Variants in IKBKE observed in about 807,000 individuals in gnomAD.
IKBKE encodes inhibitor of nuclear factor kappa-B kinase subunit epsilon.
A neutral mutation model predicts 92.1 loss-of-function variants in IKBKE; 45 were observed. The observed-to-expected ratio is 0.49, with a 90% CI of 0.38 to 0.63. The LOEUF is 0.63. Among genes scored for constraint, IKBKE ranks in the 20% least tolerant of loss-of-function variants. The probability of loss-of-function intolerance (pLI) is 0.00; values close to 1 mark genes in which losing one functional copy is unlikely to be tolerated. For missense variants in IKBKE, 700 were observed against 932.8 expected, an observed-to-expected ratio of 0.75 and a Z score of 3.25; for synonymous variants, 374 against 380.3, an observed-to-expected ratio of 0.98 and a Z score of 0.19.
At chr1:206,484,017 T>A (rs1665525735) in intron 13 of IKBKE, among the ~76,000 whole-genome samples, 1 of 152,158 alleles carries the variant, frequency 6.6e-6, no homozygotes, top group African/African-American at 2.4e-5. Context: ...CTTGAACTCC[T>A]GACCTCAAGC....
At position 206,481,680 on chromosome 1, in the gene IKBKE, G is replaced by A. The variant is rs1357139578; in HGVS notation, c.1427+1147G>A. Among the ~76,000 whole-genome samples, 6 of 151,340 alleles carry A rather than the reference G, an allele frequency of 4.0e-5. No individual in the cohort carries two copies. The East Asian group carries it at 9.8e-4, about 25-fold the overall frequency. ...CCTCCGGAGCAGCTAGCCCTTCCTGGACATGTGAGGGCTGATGGGATTGTT... is the reference window on the plus strand; with the variant it reads ...CCTCCGGAGCAGCTAGCCCTTCCTGAACATGTGAGGGCTGATGGGATTGTT... On this transcript the variant is annotated intron_variant, in intron 13 of 21. Transcript: ENST00000581977.
chr1:206,488,007 C>A lies in IKBKE; in HGVS notation c.1693+17C>A, dbSNP rs1553389237. 2 of 1,577,208 alleles carry A rather than the reference C, an allele frequency of 1.3e-6. No homozygotes were observed. The highest frequency in any genetic ancestry group is 1.3e-5 in the African/African-American group (1 of 74,376). On this transcript the variant is annotated intron_variant, in intron 16 of 21. Transcript: ENST00000581977. The stretch of plus-strand genomic sequence containing the variant: ...TGAGGCCAGGTGAGCCCGGGGAGGG[C>A]AGATGCCCCTTCTCTCTCCTCTGTC...
At position 206,485,954 on chromosome 1, in the gene IKBKE, G is replaced by A. The variant is rs538652137; in HGVS notation, c.1616+648G>A. Among the ~76,000 whole-genome samples the A allele has an allele frequency of 1.3e-5, 2 of 152,324 alleles. No homozygotes were observed. The highest frequency in any genetic ancestry group is 2.1e-4 in the South Asian group (1 of 4,824). On this transcript the variant is annotated intron_variant, in intron 15 of 21. Coordinates refer to ENST00000581977, the MANE Select transcript of IKBKE (RefSeq NM_014002.4). This position sits in a 1 kb window ranked among gnomAD's most constrained non-coding sequence, Gnocchi z 5.0. ...GACCAGGGGATGGGTGGTACCCAGC[G>A]CGGACCTCCTCCCCATTCTCTGCTG...
At chr1:206,473,158 G>A in intron 2 of IKBKE, 38 bp from the exon 3 acceptor site, 1 of 1,296,926 alleles carries the variant, frequency 7.7e-7, no homozygotes, top group South Asian at 1.3e-5. Context: ...CCTGTGCCAG[G>A]AATGGAATCC....
At chr1:206,489,982 C>T (rs1367189823) in intron 16 of IKBKE, among the ~76,000 whole-genome samples, 1 of 152,176 alleles carries the variant, frequency 6.6e-6, no homozygotes, top group Non-Finnish European at 1.5e-5. Context: ...CTCGCATGAG[C>T]CTCACGGGAC....
At position 206,493,958 on chromosome 1, in the gene IKBKE, C is replaced by T; in HGVS notation, c.2084C>T (p.Ser695Phe). The change falls in exon 21 of 22, where the codon TCT (serine) becomes TTT (phenylalanine). Residue 695 changes from serine to phenylalanine, a missense_variant. Transcript: ENST00000581977. ...TGCGAGGGGATGAAGCTGCTGGCAT[C>T]TGACCTCCTGGACAACAACCGCATC... ...ELCEGMKLLA[S>F]DLLDNNRIIE... 1 of 1,614,130 alleles carries T rather than the reference C, an allele frequency of 6.2e-7. No individual in the cohort carries two copies. Among genetic ancestry groups the T allele is most frequent in the Non-Finnish European group, 8.5e-7 (1 of 1,179,972 alleles).
chr1:206,496,233 C>G lies in IKBKE; in HGVS notation c.*88C>G, dbSNP rs1217381050. On this transcript the variant is annotated 3_prime_UTR_variant, in exon 22 of 22. Coordinates refer to ENST00000581977, the MANE Select transcript of IKBKE (RefSeq NM_014002.4). ...CCATGAGACCAACCCAGGGCAAGAT[C>G]CCATCCCATCACATCAGCCTACCTC... 6 of 1,089,572 alleles carry G rather than the reference C, an allele frequency of 5.5e-6. No individual in the cohort carries two copies. In the East Asian group the frequency reaches 1.4e-4, roughly 26 times the overall value. The allele number at this position is 1,089,572 out of a possible 1,614,324, so 67.5% of individuals were successfully genotyped here. A position where few individuals can be genotyped will look rare whatever the true frequency, so the allele number is the denominator to read the frequency against.
chr1:206,475,610 G>A (rs1025190102), intron 5 of IKBKE, among the ~76,000 whole-genome samples: 6 of 152,040 alleles, frequency 3.9e-5, no homozygotes, highest in African/African-American at 1.2e-4. Context: ...GGTGGTGCAT[G>A]CCTGTAGTTC....
In IKBKE at chr1:206,476,261, G is replaced by A. The variant is rs937888346; in HGVS notation, c.439G>A (p.Glu147Lys). Residue 147 changes from glutamate to lysine, a missense_variant, in exon 6 of 22, where the codon GAG (glutamate) becomes AAG (lysine). Transcript: ENST00000581977. This position sits in a 1 kb window ranked among gnomAD's most constrained non-coding sequence, Gnocchi z 5.1. ...KPGNIMRLVG[E>K]EGQSIYKLTD... The stretch of plus-strand genomic sequence containing the variant: ...GGGGAACATCATGCGCCTCGTAGGG[G>A]AGGAGGGGCAGAGCATCTACAAGCT... The A allele has an allele frequency of 2.5e-6, 4 of 1,614,152 alleles. No individual in the cohort carries two copies. The highest frequency in any genetic ancestry group is 3.4e-6 in the Non-Finnish European group (4 of 1,179,998).
intron 16 of IKBKE, among the ~76,000 whole-genome samples, chr1:206,488,845 TAGAA>T (rs1473235248): frequency 1.3e-5 from 2 of 152,094 alleles, no homozygotes; most frequent in African/African-American, 2.4e-5. Flanking sequence ...TTTTAAAAAG[TAGAA>T]AGAAACAAGT....
chr1:206,495,119 A>G (rs1666162701), intron 21 of IKBKE, among the ~76,000 whole-genome samples: 1 of 151,970 alleles, frequency 6.6e-6, no homozygotes, highest in Non-Finnish European at 1.5e-5. Flanking sequence ...CCCTGTTTAT[A>G]TACATGTACA....
intron 21 of IKBKE, among the ~76,000 whole-genome samples, chr1:206,494,678 A>ACTG (rs778117054): frequency 2.1e-4 from 27 of 127,360 alleles, no homozygotes; most frequent in Admixed American, 6.6e-4. Context: ...GTGTCGGCTC[A>ACTG]CTGCAACCTC....
intron 21 of IKBKE, among the ~76,000 whole-genome samples, chr1:206,495,123 A>G (rs1489423779): frequency 1.3e-5 from 2 of 151,984 alleles, no homozygotes; most frequent in Non-Finnish European, 2.9e-5. Context: ...GTTTATATAC[A>G]TGTACACACG....
intron 13 of IKBKE, among the ~76,000 whole-genome samples, chr1:206,481,804 G>T (rs1170132543): frequency 9.0e-5 from 11 of 121,808 alleles, no homozygotes; most frequent in African/African-American, 2.9e-4. Flanking sequence ...TTTTGAGACG[G>T]AGCCTCGCTC....
Position 206,484,121 on chromosome 1 carries a change from TTG to T in IKBKE, c.1428-874_1428-873del, listed in dbSNP as rs1665534881. 4.4e-4 allele frequency among the ~76,000 whole-genome samples: 66 copies of T among 150,256 alleles called. 3 individuals carry two copies. The South Asian group carries it at 0.013, about 30-fold the overall frequency. ...TTGTATTGTATTGTATTGTATTGTATTGTATTGTATTGTATTGTATTGTATTG... is the reference window on the plus strand; with the variant it reads ...TTGTATTGTATTGTATTGTATTGTATTATTGTATTGTATTGTATTGTATTG... On this transcript the variant is annotated intron_variant, in intron 13 of 21. Coordinates refer to ENST00000581977, the MANE Select transcript of IKBKE (RefSeq NM_014002.4).
At position 206,478,190 on chromosome 1, in the gene IKBKE, G is replaced by A. The variant is rs544488146; in HGVS notation, c.843G>A (p.Leu281=). 1 of 1,614,026 alleles carries A rather than the reference G, an allele frequency of 6.2e-7. No homozygotes were observed. The highest frequency in any genetic ancestry group is 1.7e-5 in the Admixed American group (1 of 60,026). ...TGCAGAGCCAGCTGGTGCCCATCCT[G>A]GCCAACATCCTGGAGGTGGAGCAGG... is the stretch of plus-strand genomic sequence containing the variant. ...LGLQSQLVPI[L]ANILEVEQAK... The change falls in exon 9 of 22, where the codon CTG becomes CTA. Residue 281 remains leucine, a synonymous_variant. Transcript: ENST00000581977. This position sits in a 1 kb window ranked among gnomAD's most constrained non-coding sequence, Gnocchi z 4.8.
Position 206,479,153 on chromosome 1 carries a change from C to G in IKBKE, c.1183+20C>G. ...GGGACCGTGAGTAGAGCCACCTGGG[C>G]TGGATCTTTCTCCTCCCCACATTTT... On this transcript the variant is annotated intron_variant, in intron 10 of 21. Transcript: ENST00000581977. 1 of 1,540,372 alleles carries G rather than the reference C, an allele frequency of 6.5e-7. No individual in the cohort carries two copies. Among genetic ancestry groups the G allele is most frequent in the Non-Finnish European group, 8.7e-7 (1 of 1,142,926 alleles).
rs995650582 is a variant in IKBKE, at chr1:206,487,741, C to T, written c.1617-173C>T. On this transcript the variant is annotated intron_variant, in intron 15 of 21. Coordinates refer to ENST00000581977, the MANE Select transcript of IKBKE (RefSeq NM_014002.4). The surrounding 1 kb of genome is among the most constrained non-coding windows in gnomAD (Gnocchi z 5.3). The stretch of plus-strand genomic sequence containing the variant: ...AACGAGAGACGGCTGGCTGACTGTA[C>T]GGGGTCTCAAATAAGCCTAGAGACG... Among the ~76,000 whole-genome samples, 6 of 152,122 alleles carry T rather than the reference C, an allele frequency of 3.9e-5. No homozygotes were observed. The highest frequency in any genetic ancestry group is 1.2e-4 in the African/African-American group (5 of 41,426).
At position 206,492,853 on chromosome 1, in the gene IKBKE, G is replaced by A. The variant is rs1325727191; in HGVS notation, c.1836-170G>A. ...GCCAGCTGTGTGCTTCTGCATTATT[G>A]CAGTGGGGCGGGCAAGCGTGGAGGG... On this transcript the variant is annotated intron_variant, in intron 18 of 21. Coordinates refer to ENST00000581977, the MANE Select transcript of IKBKE (RefSeq NM_014002.4). 1.4e-5 allele frequency: 10 copies of A among 707,716 alleles called. No individual in the cohort carries two copies. The East Asian group carries it at 2.8e-4, about 19-fold the overall frequency. The allele number at this position is 707,716 out of a possible 1,614,324, so 43.8% of individuals were successfully genotyped here.
Sources: allele counts gnomAD v4.1 joint callset (sites outside exome capture counted in the v4.1 genomes callset), GRCh38; gene constraint gnomAD v4.1.1; non-coding constraint Gnocchi (gnomAD v3.1); transcripts MANE v1.5; gene names NCBI Gene and HGNC (gene_info 2026-07-23, HGNC 2026-07-21).